Variants in RHOA observed in about 807,000 individuals in gnomAD.
The protein encoded by RHOA is transforming protein RhoA.
In RHOA, 3 loss-of-function variants were observed where a neutral mutation model predicts 17.5. The observed-to-expected ratio is 0.17, with a 90% CI of 0.08 to 0.44. The LOEUF is 0.44. RHOA is among the 20% of genes least tolerant of loss of function. The pLI, the probability that RHOA is intolerant of heterozygous loss-of-function variation, is 0.99. For synonymous variants in RHOA, 98 were observed against 88.4 expected (o/e 1.11, Z -0.61); for missense variants, 56 against 242.3 (o/e 0.23, Z 5.10).
chr3:49,410,080 G>A (rs2107918409), intron 1 of RHOA, among the ~76,000 whole-genome samples: 1 of 152,272 alleles, frequency 6.6e-6, no homozygotes, highest in South Asian at 2.1e-4. Context: ...CTAATGAACC[G>A]AAATTTTTTG....
intron 2 of RHOA, among the ~76,000 whole-genome samples, chr3:49,371,739 A>G (rs1246871952): frequency 1.3e-5 from 2 of 152,180 alleles, no homozygotes; most frequent in Non-Finnish European, 2.9e-5. Flanking sequence ...ACCTCCCCCT[A>G]TCTTGCGAGG....
chr3:49,407,242 T>TG (rs1234776405), intron 1 of RHOA, among the ~76,000 whole-genome samples: 1 of 138,968 alleles, frequency 7.2e-6, no homozygotes, highest in Non-Finnish European at 1.6e-5. Flanking sequence ...GTTTTTTTTT[T>TG]TTTTTTTTTT....
intron 1 of RHOA, among the ~76,000 whole-genome samples, chr3:49,393,672 CTCTCTGTGTGTGTGTG>C (rs1559512166): frequency 0.16 from 8,484 of 54,182 alleles, 543 homozygotes; most frequent in Middle Eastern, 0.29. Flanking sequence ...CTCAAATTCT[CTCTCTGTGTGTGTGTG>C]TGTGTGTGTG....
intron 2 of RHOA, among the ~76,000 whole-genome samples, chr3:49,369,706 G>A (rs1387984937): frequency 6.6e-6 from 1 of 150,482 alleles, no homozygotes; most frequent in Non-Finnish European, 1.5e-5. Context: ...CTGCACTCCA[G>A]CACTCCAGCA....
chr3:49,401,127 G>C (rs570947780), intron 1 of RHOA, among the ~76,000 whole-genome samples: 1 of 150,988 alleles, frequency 6.6e-6, no homozygotes, highest in South Asian at 2.1e-4. Context: ...TTAGACACTA[G>C]GGCCTTCAAA....
chr3:49,403,515 G>A lies in RHOA; in HGVS notation c.-3+8305C>T, dbSNP rs1407081914. ...GAATCACTTAAGGCCAGGAGTTCAAGACCAGTCTGAGCACATAGTGAGACC... is the reference window on the plus strand; with the variant it reads ...GAATCACTTAAGGCCAGGAGTTCAAAACCAGTCTGAGCACATAGTGAGACC... On this transcript the variant is annotated intron_variant, in intron 1 of 4. Coordinates refer to ENST00000418115, the MANE Select transcript of RHOA (RefSeq NM_001664.4). Among the ~76,000 whole-genome samples the A allele has an allele frequency of 2.6e-5, 4 of 151,464 alleles. No individual in the cohort carries two copies. The East Asian group carries it at 5.8e-4, about 22-fold the overall frequency.
chr3:49,359,191 G>GGTTCCT lies in RHOA; in HGVS notation c.*1017_*1018insAGGAAC. 5.4e-6 allele frequency: 1 copy of GGTTCCT among 186,202 alleles called. No homozygotes were observed. Among genetic ancestry groups the GGTTCCT allele is most frequent in the Non-Finnish European group, 1.1e-5 (1 of 87,894 alleles). 11.5% of individuals were successfully genotyped at this position (186,202 alleles called of 1,614,324 possible). A position where few individuals can be genotyped will look rare whatever the true frequency, so the allele number is the denominator to read the frequency against. The stretch of plus-strand genomic sequence containing the variant: ...TATTAGTAGTTGGAAAAATTAACTG[G>GGTTCCT]TACAGAAAAAAAGTTTAGTCAGCTG... On this transcript the variant is annotated 3_prime_UTR_variant, in exon 5 of 5. Coordinates refer to ENST00000418115, the MANE Select transcript of RHOA (RefSeq NM_001664.4).
intron 1 of RHOA, among the ~76,000 whole-genome samples, chr3:49,388,990 AACC>A (rs1299806910): frequency 6.6e-6 from 1 of 152,110 alleles, no homozygotes; most frequent in African/African-American, 2.4e-5. Flanking sequence ...AGTCACAAAG[AACC>A]ACATGTTTCA....
chr3:49,373,339 G>T, intron 2 of RHOA: 1 of 180,932 alleles, frequency 5.5e-6, no homozygotes, highest in South Asian at 7.9e-5. Context: ...GGGAGACTCT[G>T]TCTCTAGACA....
At chr3:49,400,591 T>C (rs2048706450) in intron 1 of RHOA, among the ~76,000 whole-genome samples, 2 of 151,976 alleles carry the variant, frequency 1.3e-5, no homozygotes. Flanking sequence ...CTTGGTGCCA[T>C]GCGTCTGTAA....
chr3:49,359,183 A>G lies in RHOA; in HGVS notation c.*1026T>C, dbSNP rs2047912919. ...CTTTATTCTATTAGTAGTTGGAAAA[A>G]TTAACTGGTACAGAAAAAAAGTTTA... On this transcript the variant is annotated 3_prime_UTR_variant, in exon 5 of 5. Coordinates refer to ENST00000418115, the MANE Select transcript of RHOA (RefSeq NM_001664.4). 1 of 184,806 alleles carries G rather than the reference A, an allele frequency of 5.4e-6. No individual in the cohort carries two copies. Among genetic ancestry groups the G allele is most frequent in the African/African-American group, 2.3e-5 (1 of 42,582 alleles). The allele number at this position is 184,806 out of a possible 1,614,324, so 11.4% of individuals were successfully genotyped here.
At chr3:49,372,594 C>T (rs941013914) in intron 2 of RHOA, among the ~76,000 whole-genome samples, 1 of 152,002 alleles carries the variant, frequency 6.6e-6, no homozygotes, top group Non-Finnish European at 1.5e-5. Context: ...ACTAGCCAGG[C>T]GTGGTGGCGG....
In RHOA at chr3:49,375,441, C is replaced by A. The variant is rs2107849092; in HGVS notation, c.149G>T (p.Gly50Val). ...ENYVADIEVD[G>V]KQVELALWDT... ...TATGAAAAGTATACTCACCTGCTTT[C>A]CATCCACCTCGATATCTGCCACATA... The change falls in exon 2 of 5, where the codon GGA (glycine) becomes GTA (valine). Residue 50 changes from glycine to valine, a missense_variant. Around this residue, in one of 2 missense-constraint regions of RHOA, gnomAD observed 17 missense variants for 156.3 expected, o/e 0.11. Transcript: ENST00000418115. 1 of 1,610,030 alleles carries A rather than the reference C, an allele frequency of 6.2e-7. No homozygotes were observed.
At chr3:49,368,611 G>A (rs2048096456) in intron 2 of RHOA, 63 bp from the exon 3 acceptor site, 6 of 1,590,336 alleles carry the variant, frequency 3.8e-6, no homozygotes, top group Non-Finnish European at 5.2e-6. Flanking sequence ...TTTAGAAAAA[G>A]TGACACTTAC....
chr3:49,389,710 G>A (rs2048463061), intron 1 of RHOA, among the ~76,000 whole-genome samples: 1 of 152,078 alleles, frequency 6.6e-6, no homozygotes, highest in Admixed American at 6.6e-5. Context: ...GGGAGGCCGA[G>A]GCAGGCGGAT....
intron 2 of RHOA, 70 bp downstream of exon 2, chr3:49,375,364 A>G: frequency 6.8e-7 from 1 of 1,467,626 alleles, no homozygotes. Flanking sequence ...AAAAAGCTCT[A>G]ATTCTCTACA....
At chr3:49,410,283 T>G (rs2048910679) in intron 1 of RHOA, among the ~76,000 whole-genome samples, 1 of 152,268 alleles carries the variant, frequency 6.6e-6, no homozygotes, top group Admixed American at 6.5e-5. Context: ...GAAATTTACT[T>G]AAGTCTCTGG....
At chr3:49,399,499 G>C (rs1199846790) in intron 1 of RHOA, among the ~76,000 whole-genome samples, 3 of 151,992 alleles carry the variant, frequency 2.0e-5, no homozygotes, top group South Asian at 4.1e-4. Context: ...ATACAAAACA[G>C]GGCTTGACAG....
chr3:49,408,580 T>G (rs2048878871), intron 1 of RHOA, among the ~76,000 whole-genome samples: 1 of 152,158 alleles, frequency 6.6e-6, no homozygotes, highest in African/African-American at 2.4e-5. Context: ...AGATTAAAGA[T>G]GAGGGATTTT....
Sources: allele counts gnomAD v4.1 joint callset (sites outside exome capture counted in the v4.1 genomes callset), GRCh38; gene constraint gnomAD v4.1.1; regional missense constraint gnomAD v4.1.1; transcripts MANE v1.5; gene names NCBI Gene and HGNC (gene_info 2026-07-23, HGNC 2026-07-21).